Variants in NLRP11 observed in about 807,000 individuals in gnomAD.
The protein encoded by NLRP11 is NLR family pyrin domain containing 11.
Under a neutral mutation model 79.3 loss-of-function variants are expected in NLRP11, and 53 were observed. That is an observed-to-expected ratio of 0.67 (90% CI 0.54 to 0.84). The LOEUF (loss-of-function observed/expected upper bound fraction) is 0.84. Among genes scored for constraint, NLRP11 ranks in the 40% least tolerant of loss-of-function variants. NLRP11 has a pLI of 0.00. For missense variants in NLRP11, 1,264 were observed against 1,255.0 expected (o/e 1.01, Z -0.11); for synonymous variants, 518 against 462.6 (o/e 1.12, Z -1.54).
chr19:55,813,488 T>C (rs1980800600), intron 2 of NLRP11, among the ~76,000 whole-genome samples: 1 of 152,178 alleles, frequency 6.6e-6, no homozygotes, highest in South Asian at 2.1e-4. Context: ...TGTTTTCCAC[T>C]GGGAGCAGTC....
Position 55,795,662 on chromosome 19 carries a change from G to C in NLRP11, c.2342+418C>G, listed in dbSNP as rs578189448. ...CCGCCACCACGCCCGGCTAATTTTT[G>C]TATTTTTAGTAGAGACAGGGTTTCA... is the stretch of plus-strand genomic sequence containing the variant. On this transcript the variant is annotated intron_variant, in intron 6 of 9. Transcript: ENST00000589093. Among the ~76,000 whole-genome samples the C allele has an allele frequency of 5.3e-5, 8 of 152,078 alleles. No individual in the cohort carries two copies. In the South Asian group the frequency reaches 1.7e-3, roughly 32 times the overall value.
chr19:55,789,805 A>C (rs539699484), intron 7 of NLRP11, among the ~76,000 whole-genome samples: 11 of 152,302 alleles, frequency 7.2e-5, no homozygotes, highest in African/African-American at 2.4e-4. Context: ...CAACATCGAG[A>C]AGGGCTAAAT....
At chr19:55,798,356 G>A in intron 5 of NLRP11, 1 of 984,484 alleles carries the variant, frequency 1.0e-6, no homozygotes, top group East Asian at 1.1e-4. Flanking sequence ...TAAAAGGACA[G>A]AGTCACAAGA....
At chr19:55,791,569 G>C (rs973958989) in intron 7 of NLRP11, among the ~76,000 whole-genome samples, 2 of 152,140 alleles carry the variant, frequency 1.3e-5, no homozygotes, top group African/African-American at 4.8e-5. Context: ...GATGCTTTTA[G>C]GTTATCAGTT....
At chr19:55,792,677 C>T (rs1450178801) in intron 6 of NLRP11, among the ~76,000 whole-genome samples, 3 of 152,216 alleles carry the variant, frequency 2.0e-5, no homozygotes, top group African/African-American at 7.2e-5. Flanking sequence ...TGATGCAGAA[C>T]AGGGCATGAG....
intron 1 of NLRP11, among the ~76,000 whole-genome samples, chr19:55,822,530 C>G (rs1357358643): frequency 6.6e-6 from 1 of 151,922 alleles, no homozygotes; most frequent in Non-Finnish European, 1.5e-5. Flanking sequence ...GAGTGCCAGA[C>G]AGTGGGCGCA....
At chr19:55,789,267 A>G (rs768550070) in exon 8 of NLRP11, 13 of 1,613,742 alleles carry the variant, frequency 8.1e-6, no homozygotes, top group Non-Finnish European at 2.5e-6. Context: ...GTCTCAAACC[A>G]CCACATAGCA....
upstream of NLRP11, among the ~76,000 whole-genome samples, chr19:55,833,647 A>C (rs1435012639): frequency 6.6e-6 from 1 of 150,926 alleles, no homozygotes; most frequent in Non-Finnish European, 1.5e-5. Flanking sequence ...GGGCGCCTGT[A>C]GTCCCAGCTA....
At chr19:55,796,962 T>C (rs1978973411) in intron 5 of NLRP11, among the ~76,000 whole-genome samples, 1 of 152,174 alleles carries the variant, frequency 6.6e-6, no homozygotes, top group African/African-American at 2.4e-5. Context: ...GTGCTGCGAT[T>C]ACAGGCATGA....
In NLRP11 at chr19:55,792,714, C is replaced by T. The variant is rs78471881; in HGVS notation, c.2343-243G>A. On this transcript the variant is annotated intron_variant, in intron 6 of 9. Coordinates refer to ENST00000589093, the Ensembl canonical transcript of NLRP11. ...AAAATCTAACTCCAACTTCTACTAA[C>T]GGAATAATCTTATAGACGTTACTTC... Among the ~76,000 whole-genome samples the T allele has an allele frequency of 9.1e-3, 1,381 of 152,334 alleles. 65 individuals are homozygous for T. The highest frequency in any genetic ancestry group is 0.074 in the Admixed American group (1,136 of 15,304).
At chr19:55,785,604 T>C (rs1252587210) in exon 10 of NLRP11, 11 of 1,592,928 alleles carry the variant, frequency 6.9e-6, no homozygotes, top group Non-Finnish European at 9.4e-6. Context: ...TTATAATAAA[T>C]ACTGTTTACG....
intron 1 of NLRP11, among the ~76,000 whole-genome samples, chr19:55,829,086 T>A (rs111896651): frequency 0.011 from 1,695 of 152,326 alleles, 13 homozygotes; most frequent in Non-Finnish European, 0.017. Context: ...TAAGAAGCAT[T>A]GCACTGTGGT....
At chr19:55,787,399 C>A (rs368990872) in intron 9 of NLRP11, among the ~76,000 whole-genome samples, 2 of 152,250 alleles carry the variant, frequency 1.3e-5, no homozygotes, top group Non-Finnish European at 2.9e-5. Flanking sequence ...TGCAATGGTG[C>A]GATCTCGGCT....
chr19:55,836,031 G>A (rs1317090306), upstream of NLRP11, among the ~76,000 whole-genome samples: 2 of 152,240 alleles, frequency 1.3e-5, no homozygotes, highest in Non-Finnish European at 2.9e-5. Flanking sequence ...GGCTGAGGCA[G>A]GAGAATCTCT....
chr19:55,810,326 GCCT>G (rs748216765), exon 3 of NLRP11: 6 of 1,608,804 alleles, frequency 3.7e-6, no homozygotes, highest in Non-Finnish European at 4.3e-6. Context: ...AGCTTTGCAT[GCCT>G]CCTGATTGCC....
chr19:55,828,230 C>T (rs1982412577), intron 1 of NLRP11, among the ~76,000 whole-genome samples: 1 of 143,992 alleles, frequency 6.9e-6, no homozygotes, highest in Non-Finnish European at 1.5e-5. Context: ...ATCACATGGA[C>T]ACAGGAAAGG....
intron 4 of NLRP11, among the ~76,000 whole-genome samples, chr19:55,805,156 A>C (rs906285202): frequency 1.3e-5 from 2 of 152,150 alleles, no homozygotes; most frequent in African/African-American, 4.8e-5. Context: ...CCAACCCCGG[A>C]AGAACATTTC....
chr19:55,800,078 T>C lies in NLRP11; in HGVS notation c.2171+1494A>G, dbSNP rs553445733. On this transcript the variant is annotated intron_variant, in intron 5 of 9. Transcript: ENST00000589093. ...CAGTAGGATTAAAGGGTGGGAAGAT[T>C]TGCTTACAAGACAAAGCAGCTTGAG... Among the ~76,000 whole-genome samples, 6 of 152,196 alleles carry C rather than the reference T, an allele frequency of 3.9e-5. No homozygotes were observed. In the East Asian group the frequency reaches 9.7e-4, roughly 24 times the overall value.
chr19:55,823,143 G>A (rs1055277832), intron 1 of NLRP11, among the ~76,000 whole-genome samples: 9 of 146,872 alleles, frequency 6.1e-5, no homozygotes, highest in Non-Finnish European at 1.2e-4. Flanking sequence ...GCACCCCCCA[G>A]CAGGAGCACA....
Sources: gnomAD v4.1 joint callset for allele counts (sites outside exome capture counted in the v4.1 genomes callset) on GRCh38, gnomAD v4.1.1 for gene constraint, MANE v1.5 for transcripts, NCBI Gene and HGNC (gene_info 2026-07-23, HGNC 2026-07-21) for gene names.